The following TULP4 variants were observed in gnomAD, a reference collection of about 807,000 sequenced individuals.
The protein encoded by TULP4 is TUB like protein 4, also known as tubby-related protein 4.
Under a neutral mutation model 129.0 loss-of-function variants are expected in TULP4, and 16 were observed. The ratio of observed to expected loss-of-function variants is 0.12; its 90% confidence interval spans 0.08 to 0.19. The LOEUF is 0.19. TULP4 is among the 10% of genes least tolerant of loss of function. The probability of loss-of-function intolerance (pLI) is 1.00; values close to 1 mark genes in which losing one functional copy is unlikely to be tolerated. For missense variants in TULP4, 1,842 were observed against 2,059.1 expected, an observed-to-expected ratio of 0.89 and a Z score of 2.04; for synonymous variants, 998 against 854.0, an observed-to-expected ratio of 1.17 and a Z score of -2.94.
At position 158,493,364 on chromosome 6, in the gene TULP4, G is replaced by A. The variant is rs991912025; in HGVS notation, c.1632-209G>A. On this transcript the variant is annotated intron_variant, in intron 9 of 13. Coordinates refer to ENST00000367097, the MANE Select transcript of TULP4 (RefSeq NM_020245.5). This position sits in a 1 kb window ranked among gnomAD's most constrained non-coding sequence, Gnocchi z 4.4. The stretch of plus-strand genomic sequence containing the variant: ...CCAGTTTCTCAATATATTTTAAAAT[G>A]TATATTATTCAATGTAAAGTTGTCA... Among the ~76,000 whole-genome samples the A allele has an allele frequency of 1.3e-5, 2 of 152,182 alleles. No homozygotes were observed. Among genetic ancestry groups the A allele is most frequent in the Non-Finnish European group, 2.9e-5 (2 of 68,032 alleles).
At chr6:158,391,658 A>C (rs1777587480) in intron 1 of TULP4, among the ~76,000 whole-genome samples, 1 of 152,208 alleles carries the variant, frequency 6.6e-6, no homozygotes, top group Admixed American at 6.5e-5. Context: ...AAGGAGAATG[A>C]ATTGTGAATA....
chr6:158,438,416 A>T (rs1031905727), intron 3 of TULP4, among the ~76,000 whole-genome samples: 33 of 152,198 alleles, frequency 2.2e-4, no homozygotes, highest in Non-Finnish European at 3.8e-4. Flanking sequence ...AGCTCTGCTC[A>T]TGGCTCTGGA....
chr6:158,337,283 C>A (rs1428013182), intron 1 of TULP4, among the ~76,000 whole-genome samples: 1 of 151,810 alleles, frequency 6.6e-6, no homozygotes, highest in South Asian at 2.1e-4. Context: ...GTGCACACCA[C>A]CATGCCCAGC....
At chr6:158,238,922 CG>C (rs1777783264) in intron 1 of TULP4, among the ~76,000 whole-genome samples, 1 of 118,958 alleles carries the variant, frequency 8.4e-6, no homozygotes, top group Admixed American at 8.3e-5. Context: ...CATCCTGGCC[CG>C]TTCTCAATGA....
chr6:158,439,588 TTA>T (rs1778836537), intron 3 of TULP4, among the ~76,000 whole-genome samples: 1 of 152,148 alleles, frequency 6.6e-6, no homozygotes, highest in African/African-American at 2.4e-5. Flanking sequence ...AAGATTGTGA[TTA>T]TAGGCACTGC....
At chr6:158,311,916 G>T, upstream of TULP4, 2 of 389,958 alleles carry the variant, frequency 5.1e-6, no homozygotes, top group Non-Finnish European at 9.0e-6. Context: ...TTACCATTCA[G>T]TGCAGTCAGT....
Position 158,442,653 on chromosome 6 carries a change from A to G in TULP4, c.544-6343A>G, listed in dbSNP as rs569259815. Among the ~76,000 whole-genome samples, 4 of 152,190 alleles carry G rather than the reference A, an allele frequency of 2.6e-5. No individual in the cohort carries two copies. The East Asian group carries it at 7.7e-4, about 29-fold the overall frequency. On this transcript the variant is annotated intron_variant, in intron 3 of 13. Transcript: ENST00000367097. ...TGCCTTTCTTCCTCATTCAATGTAT[A>G]TTTAAATGTATTTTTAATGGTATAT...
intron 4 of TULP4, among the ~76,000 whole-genome samples, chr6:158,449,843 G>C (rs768482911): frequency 6.6e-6 from 1 of 151,772 alleles, no homozygotes; most frequent in Non-Finnish European, 1.5e-5. Context: ...CACTCAGTTG[G>C]CTCTTCACCA....
At chr6:158,345,654 A>G (rs1163046219) in intron 1 of TULP4, among the ~76,000 whole-genome samples, 2 of 152,236 alleles carry the variant, frequency 1.3e-5, no homozygotes, top group Non-Finnish European at 2.9e-5. Context: ...AAACAGAACT[A>G]CTGATAAGAG....
intron 1 of TULP4, among the ~76,000 whole-genome samples, chr6:158,301,902 G>T (rs1779138699): frequency 6.6e-6 from 1 of 152,046 alleles, no homozygotes; most frequent in Non-Finnish European, 1.5e-5. Context: ...TTATCTAAAA[G>T]TTTTTGGAAT....
At chr6:158,239,060 A>ACCC (rs1166667888) in intron 1 of TULP4, among the ~76,000 whole-genome samples, 30 of 87,206 alleles carry the variant, frequency 3.4e-4, no homozygotes, top group African/African-American at 9.3e-4. Flanking sequence ...CGGGGGGCTG[A>ACCC]CCCCCCCACC....
intron 1 of TULP4, among the ~76,000 whole-genome samples, chr6:158,328,601 G>A (rs113487777): frequency 1.3e-5 from 2 of 152,116 alleles, no homozygotes; most frequent in African/African-American, 4.8e-5. Context: ...TGCCCTCATG[G>A]TTGCTAAATG....
intron 1 of TULP4, among the ~76,000 whole-genome samples, chr6:158,239,037 G>A (rs1777788234): frequency 1.4e-5 from 2 of 143,370 alleles, no homozygotes; most frequent in African/African-American, 2.5e-5. Context: ...CCCGGACGAG[G>A]CGGCTGGCCG....
At chr6:158,378,806 A>G (rs1777260576) in intron 1 of TULP4, among the ~76,000 whole-genome samples, 1 of 152,066 alleles carries the variant, frequency 6.6e-6, no homozygotes, top group Admixed American at 6.6e-5. Context: ...TTTTGAGGGG[A>G]AGATAAATTC....
rs150991913 is a variant in TULP4 at position 158,333,420 on chromosome 6, C to T, written c.252+19152C>T. ...CAGGGTGAAACCTACCTTGCCAGCA[C>T]CTTAACCTTGGACTTTCTAGCCTCC... is the stretch of plus-strand genomic sequence containing the variant. On this transcript the variant is annotated intron_variant, in intron 1 of 13. Transcript: ENST00000367097. Among the ~76,000 whole-genome samples, 44 of 152,308 alleles carry T rather than the reference C, an allele frequency of 2.9e-4. 1 individual carries two copies. Among genetic ancestry groups the T allele is most frequent in the African/African-American group, 1.0e-3 (42 of 41,568 alleles).
Position 158,503,387 on chromosome 6 carries a change from C to A in TULP4, c.3724C>A (p.Pro1242Thr), listed in dbSNP as rs534360336. The A allele has an allele frequency of 2.5e-6, 4 of 1,613,796 alleles. No homozygotes were observed. The highest frequency in any genetic ancestry group is 1.6e-4 in the Middle Eastern group (1 of 6,082). Reference protein sequence around the residue: ...PPSLSYCTLPPMYPGSSTCSS... With the variant: ...PPSLSYCTLPTMYPGSSTCSS... ...CAGCCTCTCCTATTGCACCCTGCCCCCCATGTACCCAGGAAGCAGCACGTG... is the reference window on the plus strand; with the variant it reads ...CAGCCTCTCCTATTGCACCCTGCCCACCATGTACCCAGGAAGCAGCACGTG... Residue 1242 changes from proline to threonine, a missense_variant, in exon 13 of 14, where the codon CCC (proline) becomes ACC (threonine). By Grantham distance (38) the Pro-to-Thr change is conservative (BLOSUM62 -1). This residue lies in a region of TULP4 where 1,089 missense variants were observed against 987.1 expected (regional missense o/e 1.10). Transcript: ENST00000367097. The surrounding 1 kb of genome is among the most constrained non-coding windows in gnomAD (Gnocchi z 4.3).
chr6:158,346,008 C>G (rs1230533098), intron 1 of TULP4, among the ~76,000 whole-genome samples: 8 of 152,186 alleles, frequency 5.3e-5, no homozygotes, highest in African/African-American at 1.7e-4. Flanking sequence ...ATCTTCCCTA[C>G]TGGCACGTCC....
intron 1 of TULP4, among the ~76,000 whole-genome samples, chr6:158,291,984 T>G (rs1274809472): frequency 3.3e-5 from 5 of 152,244 alleles, no homozygotes; most frequent in Non-Finnish European, 5.9e-5. Flanking sequence ...ATTTGTTGTT[T>G]GTACTGAGAA....
In TULP4 at chr6:158,493,366, A is replaced by G. The variant is rs913609559; in HGVS notation, c.1632-207A>G. 2.0e-5 allele frequency among the ~76,000 whole-genome samples: 3 copies of G among 152,348 alleles called. No individual in the cohort carries two copies. Among genetic ancestry groups the G allele is most frequent in the East Asian group, 1.9e-4 (1 of 5,192 alleles). ...AGTTTCTCAATATATTTTAAAATGTATATTATTCAATGTAAAGTTGTCATT... is the reference window on the plus strand; with the variant it reads ...AGTTTCTCAATATATTTTAAAATGTGTATTATTCAATGTAAAGTTGTCATT... On this transcript the variant is annotated intron_variant, in intron 9 of 13. Transcript: ENST00000367097. This position sits in a 1 kb window ranked among gnomAD's most constrained non-coding sequence, Gnocchi z 4.4.
Sources: gnomAD v4.1 joint callset for allele counts (sites outside exome capture counted in the v4.1 genomes callset) on GRCh38, gnomAD v4.1.1 for gene constraint, gnomAD v4.1.1 regional missense constraint, Gnocchi (gnomAD v3.1) non-coding constraint, MANE v1.5 for transcripts, NCBI Gene and HGNC (gene_info 2026-07-23, HGNC 2026-07-21) for gene names.